ZNF536: variants seen among roughly 807,000 people sequenced by gnomAD.
ZNF536 encodes zinc finger protein 536.
A neutral mutation model predicts 84.5 loss-of-function variants in ZNF536; 13 were observed. The observed-to-expected ratio is 0.15, with a 90% CI of 0.10 to 0.24. The LOEUF is 0.24. ZNF536 is among the 10% of genes least tolerant of loss of function. The pLI is 1.00. For synonymous variants in ZNF536, 811 were observed against 742.5 expected, an observed-to-expected ratio of 1.09 and a Z score of -1.50; for missense variants, 1,536 against 1,747.5, an observed-to-expected ratio of 0.88 and a Z score of 2.16.
At chr19:30,365,459 G>A (rs2048397367) in intron 3 of ZNF536, among the ~76,000 whole-genome samples, 1 of 152,224 alleles carries the variant, frequency 6.6e-6, no homozygotes, top group African/African-American at 2.4e-5. Flanking sequence ...CTTTCTAGGA[G>A]TATTTCCTGC....
At chr19:30,542,676 A>C (rs367803542) in intron 3 of ZNF536, among the ~76,000 whole-genome samples, 1 of 152,358 alleles carries the variant, frequency 6.6e-6, no homozygotes, top group African/African-American at 2.4e-5. Flanking sequence ...CCCATTCTGC[A>C]CATTTCACAA....
At chr19:30,538,243 A>G (rs955223520) in intron 3 of ZNF536, among the ~76,000 whole-genome samples, 6 of 152,216 alleles carry the variant, frequency 3.9e-5, no homozygotes, top group Admixed American at 2.0e-4. Context: ...TTACAAAACA[A>G]AAATACATGT....
intron 1 of ZNF536, among the ~76,000 whole-genome samples, chr19:30,583,267 C>T (rs2046986497): frequency 6.6e-6 from 1 of 152,200 alleles, no homozygotes; most frequent in Admixed American, 6.5e-5. Context: ...AGTCCCTGAG[C>T]AGAACAGGGC....
At chr19:30,559,486 C>T (rs867359738), downstream of ZNF536, among the ~76,000 whole-genome samples, 5 of 152,150 alleles carry the variant, frequency 3.3e-5, no homozygotes, top group Admixed American at 1.3e-4. Context: ...GGGTGCACAT[C>T]GAGGGAAAAA....
intron 2 of ZNF536, among the ~76,000 whole-genome samples, chr19:30,325,045 C>G (rs983477938): frequency 6.6e-6 from 1 of 152,196 alleles, no homozygotes; most frequent in African/African-American, 2.4e-5. Context: ...CACGTTTGCT[C>G]CTTGGCCTGG....
chr19:30,297,876 C>CTT (rs367560638), intron 2 of ZNF536, among the ~76,000 whole-genome samples: 5 of 138,974 alleles, frequency 3.6e-5, no homozygotes, highest in Non-Finnish European at 6.2e-5. Context: ...AACTTCATGC[C>CTT]TTTTTTTTTT....
chr19:30,403,913 G>C (rs2050153893), intron 1 of ZNF536, among the ~76,000 whole-genome samples: 1 of 151,868 alleles, frequency 6.6e-6, no homozygotes, highest in Non-Finnish European at 1.5e-5. Flanking sequence ...GACCGTAAAT[G>C]TAATCTCCAC....
chr19:30,514,835 C>G (rs1355923107), intron 2 of ZNF536, among the ~76,000 whole-genome samples: 1 of 152,064 alleles, frequency 6.6e-6, no homozygotes, highest in Non-Finnish European at 1.5e-5. Flanking sequence ...TTGCAGAGCT[C>G]AGTATCAGGA....
At chr19:30,640,606 C>T (rs947676130) in intron 1 of ZNF536, among the ~76,000 whole-genome samples, 5 of 152,164 alleles carry the variant, frequency 3.3e-5, no homozygotes, top group South Asian at 2.1e-4. Context: ...CTCCCTGCAC[C>T]GTCTTACCAG....
At chr19:30,431,939 G>C (rs1400477779) in intron 1 of ZNF536, among the ~76,000 whole-genome samples, 2 of 151,706 alleles carry the variant, frequency 1.3e-5, no homozygotes, top group Admixed American at 1.3e-4. Flanking sequence ...ACAACTGCTG[G>C]TATCTTTTTC....
chr19:30,516,522 G>A (rs1599658552), intron 2 of ZNF536, among the ~76,000 whole-genome samples: 1 of 152,340 alleles, frequency 6.6e-6, no homozygotes, highest in East Asian at 1.9e-4. Context: ...TCTCCTTGAA[G>A]AAGCCCTATG....
chr19:30,238,646 C>A (rs1203283330), intron 1 of ZNF536, among the ~76,000 whole-genome samples: 1 of 152,008 alleles, frequency 6.6e-6, no homozygotes, highest in African/African-American at 2.4e-5. Context: ...CTTCTTCCTC[C>A]TTCCTTCCTA....
intron 2 of ZNF536, among the ~76,000 whole-genome samples, chr19:30,486,224 T>C (rs1157245297): frequency 7.2e-5 from 11 of 152,180 alleles, no homozygotes; most frequent in Admixed American, 7.2e-4. Context: ...CCAGCATGCA[T>C]TAGCTATTTA....
chr19:30,680,955 T>G (rs2050945056), intron 1 of ZNF536, among the ~76,000 whole-genome samples: 1 of 152,200 alleles, frequency 6.6e-6, no homozygotes. Flanking sequence ...CTAACTGGTG[T>G]GAGATGGTAT....
intron 2 of ZNF536, among the ~76,000 whole-genome samples, chr19:30,332,480 A>G (rs4804925): frequency 0.14 from 20,783 of 152,154 alleles, 1,795 homozygotes; most frequent in Middle Eastern, 0.25. Context: ...CTCCTCCGTC[A>G]GAACTGCCCT....
In ZNF536 at chr19:30,704,731, G is replaced by A. The variant is rs73540865; in HGVS notation, c.170-6026G>A. On this transcript the variant is annotated intron_variant, in intron 1 of 1. Transcript: ENST00000592773. ...GCCTTGTCACCTCTGGGACTGCAGCGGCTTCTCCTCTGGGGATGAGATGAC... is the reference window on the plus strand; with the variant it reads ...GCCTTGTCACCTCTGGGACTGCAGCAGCTTCTCCTCTGGGGATGAGATGAC... Among the ~76,000 whole-genome samples the A allele has an allele frequency of 6.0e-3, 901 of 151,404 alleles. 12 individuals are homozygous for A. Among genetic ancestry groups the A allele is most frequent in the African/African-American group, 0.021 (857 of 41,290 alleles).
chr19:30,521,678 C>T (rs771963722), intron 2 of ZNF536, among the ~76,000 whole-genome samples: 9 of 152,106 alleles, frequency 5.9e-5, no homozygotes, highest in Non-Finnish European at 8.8e-5. Flanking sequence ...GGAACCTCAG[C>T]CCTTGTCCTT....
chr19:30,667,061 C>A (rs1424081365), intron 1 of ZNF536, among the ~76,000 whole-genome samples: 2 of 152,038 alleles, frequency 1.3e-5, no homozygotes, highest in African/African-American at 4.8e-5. Flanking sequence ...TTGCCCTACC[C>A]AATTTTCCCA....
At chr19:30,571,014 C>T (rs916335294) in intron 1 of ZNF536, among the ~76,000 whole-genome samples, 2 of 152,180 alleles carry the variant, frequency 1.3e-5, no homozygotes, top group African/African-American at 4.8e-5. Context: ...ATAAGTGGGC[C>T]TCACGCAGGG....
Sources: gnomAD v4.1 joint callset for allele counts (sites outside exome capture counted in the v4.1 genomes callset) on GRCh38, gnomAD v4.1.1 for gene constraint, MANE v1.5 for transcripts, NCBI Gene and HGNC (gene_info 2026-07-23, HGNC 2026-07-21) for gene names.